AGBL4: variants seen among roughly 807,000 people sequenced by gnomAD.
AGBL4 encodes AGBL carboxypeptidase 4, also known as cytosolic carboxypeptidase 6.
Under a neutral mutation model 66.4 loss-of-function variants are expected in AGBL4, and 58 were observed. That is an observed-to-expected ratio of 0.87 (90% confidence interval 0.71 to 1.09). AGBL4 has a LOEUF of 1.09. AGBL4 is among the 50% of genes least tolerant of loss of function. The pLI is 0.00. For missense variants in AGBL4, 579 were observed against 631.0 expected (o/e 0.92, Z 0.88); for synonymous variants, 234 against 222.9 (o/e 1.05, Z -0.44).
chr1:49,705,048 CT>C (rs1647182055), intron 2 of AGBL4, among the ~76,000 whole-genome samples: 1 of 152,124 alleles, frequency 6.6e-6, no homozygotes, highest in Admixed American at 6.6e-5. Context: ...TTGATTCTTC[CT>C]ATCTATGAGC....
At chr1:50,017,874 A>C (rs750576536) in intron 1 of AGBL4, among the ~76,000 whole-genome samples, 11 of 152,172 alleles carry the variant, frequency 7.2e-5, no homozygotes, top group Non-Finnish European at 1.3e-4. Context: ...TATGTACCCC[A>C]TGAGCCTAAA....
chr1:49,494,991 T>C (rs937390031), intron 3 of AGBL4, among the ~76,000 whole-genome samples: 3 of 152,106 alleles, frequency 2.0e-5, no homozygotes, highest in Admixed American at 6.6e-5. Flanking sequence ...TTTTGTGGTA[T>C]GAATTGTCTT....
chr1:49,035,644 T>C (rs1158032697), intron 5 of AGBL4, among the ~76,000 whole-genome samples: 2 of 152,118 alleles, frequency 1.3e-5, no homozygotes, highest in Non-Finnish European at 2.9e-5. Context: ...TGCCTTTCCC[T>C]GGCACCAGCT....
At chr1:49,409,579 T>C (rs1413532395) in intron 3 of AGBL4, among the ~76,000 whole-genome samples, 1 of 152,188 alleles carries the variant, frequency 6.6e-6, no homozygotes, top group Non-Finnish European at 1.5e-5. Context: ...AGAGATTTCA[T>C]GGTAAAGCAG....
intron 5 of AGBL4, among the ~76,000 whole-genome samples, chr1:48,987,991 A>G (rs1660308621): frequency 6.6e-6 from 1 of 151,936 alleles, no homozygotes; most frequent in Non-Finnish European, 1.5e-5. Context: ...CCCCTTCCCC[A>G]CCATGCACTC....
chr1:48,844,234 G>A (rs1186957488), intron 6 of AGBL4, among the ~76,000 whole-genome samples: 1 of 152,090 alleles, frequency 6.6e-6, no homozygotes, highest in Non-Finnish European at 1.5e-5. Flanking sequence ...CTAACCCACA[G>A]TTAATCAACA....
chr1:49,902,249 C>A (rs2148191556), intron 1 of AGBL4, among the ~76,000 whole-genome samples: 1 of 152,084 alleles, frequency 6.6e-6, no homozygotes, highest in African/African-American at 2.4e-5. Context: ...ATCAGAGAAC[C>A]TAGAGAATGG....
chr1:49,539,315 A>AT lies in AGBL4; in HGVS notation c.282+157997dup, dbSNP rs1160251555. ...TTGTTTTTACTTATCTGTATTTCTG[A>AT]TTTTTTCTACAATATATATTAGTTT... On this transcript the variant is annotated intron_variant, in intron 3 of 13. Coordinates refer to ENST00000371839, the MANE Select transcript of AGBL4 (RefSeq NM_032785.4). Among the ~76,000 whole-genome samples, 4 of 152,176 alleles carry AT rather than the reference A, an allele frequency of 2.6e-5. No homozygotes were observed. In the East Asian group the frequency reaches 5.8e-4, roughly 22 times the overall value.
chr1:49,307,417 C>A (rs935252667), intron 3 of AGBL4, among the ~76,000 whole-genome samples: 2 of 152,124 alleles, frequency 1.3e-5, no homozygotes, highest in African/African-American at 4.8e-5. Context: ...CTGGCTTTAC[C>A]ATTCAGAGGT....
chr1:48,965,533 A>G (rs1658348934), intron 5 of AGBL4, among the ~76,000 whole-genome samples: 1 of 152,138 alleles, frequency 6.6e-6, no homozygotes, highest in South Asian at 2.1e-4. Flanking sequence ...GATGAATTTC[A>G]CCACAGTGGT....
At chr1:49,595,776 TAC>T (rs1427030061) in intron 3 of AGBL4, among the ~76,000 whole-genome samples, 1 of 152,124 alleles carries the variant, frequency 6.6e-6, no homozygotes, top group African/African-American at 2.4e-5. Context: ...AAAACACAAA[TAC>T]AGTTTTTGTC....
intron 4 of AGBL4, among the ~76,000 whole-genome samples, chr1:49,139,221 C>T (rs1423204922): frequency 6.6e-6 from 1 of 152,104 alleles, no homozygotes; most frequent in Non-Finnish European, 1.5e-5. Flanking sequence ...CAGGCATAGC[C>T]ATATTTGTTG....
chr1:48,657,699 G>A (rs1646042084), intron 7 of AGBL4, among the ~76,000 whole-genome samples: 1 of 151,356 alleles, frequency 6.6e-6, no homozygotes, highest in Middle Eastern at 3.4e-3. Flanking sequence ...ATGATACAAT[G>A]ATTTGCCTGC....
intron 4 of AGBL4, among the ~76,000 whole-genome samples, chr1:49,210,818 CCTG>C (rs1429131537): frequency 1.3e-5 from 2 of 152,042 alleles, no homozygotes; most frequent in Non-Finnish European, 2.9e-5. Context: ...CCAACTTAGC[CCTG>C]CTGTGAGTCC....
At chr1:48,779,136 C>A (rs1645224556) in intron 6 of AGBL4, among the ~76,000 whole-genome samples, 1 of 152,196 alleles carries the variant, frequency 6.6e-6, no homozygotes, top group Non-Finnish European at 1.5e-5. Context: ...CAAGATGGAT[C>A]ATGCAGAGTT....
At chr1:49,286,016 G>C (rs1300227348) in intron 3 of AGBL4, among the ~76,000 whole-genome samples, 1 of 152,148 alleles carries the variant, frequency 6.6e-6, no homozygotes, top group Non-Finnish European at 1.5e-5. Flanking sequence ...TATCCACCAT[G>C]ATCAAGTGGG....
chr1:49,728,386 G>GC (rs1357078800), intron 2 of AGBL4, among the ~76,000 whole-genome samples: 1 of 152,138 alleles, frequency 6.6e-6, no homozygotes, highest in Non-Finnish European at 1.5e-5. Flanking sequence ...TCTTAGATAG[G>GC]CCTGAGGCAA....
At chr1:49,943,207 A>T (rs1000935890) in intron 1 of AGBL4, among the ~76,000 whole-genome samples, 1 of 152,192 alleles carries the variant, frequency 6.6e-6, no homozygotes, top group African/African-American at 2.4e-5. Flanking sequence ...ATCCTTGTGC[A>T]CACTGTTGGG....
intron 5 of AGBL4, among the ~76,000 whole-genome samples, chr1:48,895,474 G>T (rs1241787012): frequency 6.6e-6 from 1 of 152,236 alleles, no homozygotes; most frequent in Non-Finnish European, 1.5e-5. Context: ...AAATGCAAAT[G>T]CTGGGAAACA....
Sources: gnomAD v4.1 joint callset for allele counts (sites outside exome capture counted in the v4.1 genomes callset) on GRCh38, gnomAD v4.1.1 for gene constraint, MANE v1.5 for transcripts, NCBI Gene and HGNC (gene_info 2026-07-23, HGNC 2026-07-21) for gene names.